BRAF: variants seen among roughly 807,000 people sequenced by gnomAD.
The protein encoded by BRAF is B-Raf proto-oncogene, serine/threonine kinase, also known as serine/threonine-protein kinase B-raf.
In BRAF, 16 loss-of-function variants were observed where a neutral mutation model predicts 104.6. The observed-to-expected ratio is 0.15, with a 90% CI of 0.10 to 0.23. The LOEUF (loss-of-function observed/expected upper bound fraction) is 0.23. BRAF is among the 10% of genes least tolerant of loss of function. The probability of loss-of-function intolerance (pLI) is 1.00; values close to 1 mark genes in which losing one functional copy is unlikely to be tolerated. For synonymous variants in BRAF, 310 were observed against 341.6 expected, an observed-to-expected ratio of 0.91 and a Z score of 1.02; for missense variants, 541 against 937.3, an observed-to-expected ratio of 0.58 and a Z score of 5.52.
At position 140,783,128 on chromosome 7, in the gene BRAF, G is replaced by T. The variant is rs749792302; in HGVS notation, c.1327C>A (p.Pro443Thr). The T allele has an allele frequency of 2.5e-6, 4 of 1,614,018 alleles. No individual in the cohort carries two copies. Among genetic ancestry groups the T allele is most frequent in the Non-Finnish European group, 3.4e-6 (4 of 1,179,972 alleles). Residue 443 changes from proline (P) to threonine (T), a missense_variant, in exon 11 of 20, where the codon CCT becomes ACT. Coordinates refer to ENST00000644969, the MANE Select transcript of BRAF (RefSeq NM_001374258.1). ...GTTAGTGAGCCAGGTAATGAGGCAG[G>T]GGGGGTAGCAGACAAACCTGTGGTT... ...GSTTGLSATP[P>T]ASLPGSLTNV... is the part of the protein sequence containing the mutation.
At chr7:140,907,442 T>C (rs1370933048) in intron 1 of BRAF, among the ~76,000 whole-genome samples, 1 of 152,080 alleles carries the variant, frequency 6.6e-6, no homozygotes, top group Non-Finnish European at 1.5e-5. Context: ...TTTGTACTTT[T>C]AGTAGAGGTG....
chr7:140,810,778 C>A (rs545745808), intron 3 of BRAF, among the ~76,000 whole-genome samples: 19 of 152,294 alleles, frequency 1.2e-4, no homozygotes, highest in Non-Finnish European at 2.2e-4. Flanking sequence ...CATAGACATG[C>A]GCAGAGCAAT....
intron 14 of BRAF, among the ~76,000 whole-genome samples, chr7:140,769,069 A>G (rs1374686834): frequency 6.6e-6 from 1 of 150,554 alleles, no homozygotes; most frequent in Non-Finnish European, 1.5e-5. Flanking sequence ...AAATGGACTA[A>G]AACACCTCCA....
intron 1 of BRAF, among the ~76,000 whole-genome samples, chr7:140,916,140 C>T (rs1418885047): frequency 1.3e-5 from 2 of 152,214 alleles, no homozygotes; most frequent in African/African-American, 2.4e-5. Flanking sequence ...AGGTATTCCA[C>T]ACTTCCTCTC....
chr7:140,875,605 C>T (rs2129098078), intron 1 of BRAF, among the ~76,000 whole-genome samples: 1 of 152,230 alleles, frequency 6.6e-6, no homozygotes, highest in Middle Eastern at 3.4e-3. Flanking sequence ...CTCGAACTCC[C>T]GACCTCCGGT....
chr7:140,897,862 C>T (rs1231534113), intron 1 of BRAF, among the ~76,000 whole-genome samples: 6 of 151,956 alleles, frequency 3.9e-5, no homozygotes, highest in African/African-American at 7.2e-5. Context: ...GAAAAGACTG[C>T]TAAATCTGAC....
chr7:140,809,974 T>G (rs1233190417), intron 3 of BRAF, among the ~76,000 whole-genome samples: 1 of 152,172 alleles, frequency 6.6e-6, no homozygotes, highest in Non-Finnish European at 1.5e-5. Context: ...GAACTGAAGG[T>G]GTAGACTACA....
intron 17 of BRAF, among the ~76,000 whole-genome samples, chr7:140,745,900 A>G (rs1409341527): frequency 6.6e-6 from 1 of 152,214 alleles, no homozygotes; most frequent in Non-Finnish European, 1.5e-5. Context: ...AGAAAGACCA[A>G]TGAAGAGGTC....
chr7:140,858,302 T>C (rs1810027617), intron 1 of BRAF, among the ~76,000 whole-genome samples: 1 of 152,190 alleles, frequency 6.6e-6, no homozygotes, highest in African/African-American at 2.4e-5. Context: ...AAACTGAATC[T>C]AATCAAGCCT....
intron 14 of BRAF, among the ~76,000 whole-genome samples, chr7:140,766,697 T>C (rs962670840): frequency 6.6e-5 from 10 of 151,496 alleles, no homozygotes; most frequent in African/African-American, 2.4e-4. Context: ...ACCACAGACA[T>C]ACACCACCAC....
chr7:140,885,574 T>C (rs1005639293), intron 1 of BRAF, among the ~76,000 whole-genome samples: 12 of 152,212 alleles, frequency 7.9e-5, no homozygotes, highest in African/African-American at 2.9e-4. Context: ...AGTTACATAT[T>C]TGTGCCCAGA....
At chr7:140,783,181 T>G in intron 10 of BRAF, 24 bp from the exon 10 acceptor site, 1 of 1,613,354 alleles carries the variant, frequency 6.2e-7, no homozygotes, top group Non-Finnish European at 8.5e-7. Flanking sequence ...AAGAAAAATG[T>G]ATACATTAAG....
At chr7:140,765,436 A>C (rs995400627) in intron 14 of BRAF, among the ~76,000 whole-genome samples, 25 of 152,352 alleles carry the variant, frequency 1.6e-4, no homozygotes, top group African/African-American at 4.6e-4. Context: ...AACAAAAGCC[A>C]AAATGGACAA....
chr7:140,757,659 G>T (rs762527028), intron 14 of BRAF, among the ~76,000 whole-genome samples: 4 of 152,032 alleles, frequency 2.6e-5, no homozygotes, highest in Non-Finnish European at 5.9e-5. Flanking sequence ...AAAAAAGTCG[G>T]TTTTTTCTTG....
chr7:140,758,984 T>C (rs1034897344), intron 14 of BRAF, among the ~76,000 whole-genome samples: 2 of 152,252 alleles, frequency 1.3e-5, no homozygotes, highest in African/African-American at 4.8e-5. Flanking sequence ...CACTACAGAT[T>C]AATTTTGCCT....
chr7:140,880,715 T>A (rs1209697524), intron 1 of BRAF, among the ~76,000 whole-genome samples: 1 of 151,884 alleles, frequency 6.6e-6, no homozygotes, highest in Admixed American at 6.6e-5. Flanking sequence ...GCTGCGTTAG[T>A]GGTTAAGAAA....
intron 16 of BRAF, among the ~76,000 whole-genome samples, chr7:140,752,721 A>G (rs569063944): frequency 6.6e-6 from 1 of 152,180 alleles, no homozygotes; most frequent in Admixed American, 6.5e-5. Context: ...ATTATGAGAT[A>G]CTTTCTAGTC....
Position 140,725,461 on chromosome 7 carries a change from TTC to T in BRAF, c.*1031_*1032del, listed in dbSNP as rs1795547160. On this transcript the variant is annotated 3_prime_UTR_variant, in exon 20 of 20. Transcript: ENST00000644969. ...AATTCAATTAAATCTGAAAATTATT[TTC>T]TTTTTAATAAAAATAGAAAAGAAGA... 1.1e-6 allele frequency: 1 copy of T among 931,462 alleles called. No homozygotes were observed. Among genetic ancestry groups the T allele is most frequent in the Non-Finnish European group, 1.3e-6 (1 of 764,920 alleles). 57.7% of individuals were successfully genotyped at this position (931,462 alleles called of 1,614,324 possible).
chr7:140,905,236 G>A (rs985269091), intron 1 of BRAF, among the ~76,000 whole-genome samples: 3 of 152,150 alleles, frequency 2.0e-5, no homozygotes, highest in Admixed American at 1.3e-4. Flanking sequence ...TTAAAGAGCT[G>A]TTTAAAAATA....
Sources: gnomAD v4.1 joint callset for allele counts (sites outside exome capture counted in the v4.1 genomes callset) on GRCh38, gnomAD v4.1.1 for gene constraint, MANE v1.5 for transcripts, NCBI Gene and HGNC (gene_info 2026-07-23, HGNC 2026-07-21) for gene names.